The following ARHGEF4 variants were observed in gnomAD, a reference collection of about 807,000 sequenced individuals.
The protein encoded by ARHGEF4 is APC-stimulated guanine nucleotide exchange factor 1.
A neutral mutation model predicts 162.0 loss-of-function variants in ARHGEF4; 119 were observed. The ratio of observed to expected loss-of-function variants is 0.73; its 90% CI spans 0.63 to 0.86. ARHGEF4 has a LOEUF of 0.86. ARHGEF4 is among the 40% of genes least tolerant of loss of function. The probability of loss-of-function intolerance (pLI) is 0.00; values close to 1 mark genes in which losing one functional copy is unlikely to be tolerated. For missense variants in ARHGEF4, 2,488 were observed against 2,456.0 expected, an observed-to-expected ratio of 1.01 and a Z score of -0.28; for synonymous variants, 1,014 against 979.9, an observed-to-expected ratio of 1.03 and a Z score of -0.65.
At chr2:131,043,851 T>G (rs1691017693) in intron 11 of ARHGEF4, among the ~76,000 whole-genome samples, 1 of 152,112 alleles carries the variant, frequency 6.6e-6, no homozygotes, top group African/African-American at 2.4e-5. Flanking sequence ...TCAAGCTACC[T>G]CTTCTCTCCC....
chr2:130,917,941 C>T (rs1256940570), intron 2 of ARHGEF4, among the ~76,000 whole-genome samples: 2 of 151,904 alleles, frequency 1.3e-5, no homozygotes, highest in Non-Finnish European at 2.9e-5. Context: ...TCTGCCTCAG[C>T]CTCACGAGTA....
intron 1 of ARHGEF4, among the ~76,000 whole-genome samples, chr2:130,889,040 G>GGTTGCAGTGAGCGGAGATCATGCC (rs1679690273): frequency 6.6e-6 from 1 of 151,684 alleles, no homozygotes; most frequent in Non-Finnish European, 1.5e-5. Flanking sequence ...GGGAGGCGGA[G>GGTTGCAGTGAGCGGAGATCATGCC]GTTGCAGTGA....
At chr2:130,877,508 C>T (rs1272335549) in intron 1 of ARHGEF4, among the ~76,000 whole-genome samples, 1 of 152,200 alleles carries the variant, frequency 6.6e-6, no homozygotes, top group Admixed American at 6.5e-5. Flanking sequence ...TGGAGCCGTG[C>T]GTGGTGGTGC....
chr2:130,885,707 C>T (rs973417700), intron 1 of ARHGEF4, among the ~76,000 whole-genome samples: 2 of 150,744 alleles, frequency 1.3e-5, no homozygotes, highest in African/African-American at 2.5e-5. Flanking sequence ...GCAGCTGGGA[C>T]TACAGGCGCC....
chr2:130,956,082 T>TTGTCCTCTCAGCTTGCCTCTTCTAA (rs1684252035), intron 4 of ARHGEF4, among the ~76,000 whole-genome samples: 1 of 152,204 alleles, frequency 6.6e-6, no homozygotes, highest in African/African-American at 2.4e-5. Flanking sequence ...TTGCCTCTCC[T>TTGTCCTCTCAGCTTGCCTCTTCTAA]GGCATGGAAC....
chr2:130,913,514 T>TTTGTTG (rs1020208990), intron 1 of ARHGEF4, among the ~76,000 whole-genome samples: 1 of 152,214 alleles, frequency 6.6e-6, no homozygotes, highest in Non-Finnish European at 1.5e-5. Flanking sequence ...TTTGTGTTTT[T>TTTGTTG]TTGTTGTTGT....
chr2:130,880,832 T>A (rs1036095478), intron 1 of ARHGEF4, among the ~76,000 whole-genome samples: 1 of 126,120 alleles, frequency 7.9e-6, no homozygotes, highest in African/African-American at 3.0e-5. Flanking sequence ...CCCGGCCAAA[T>A]TTTTTTTTTT....
chr2:130,965,423 T>TA (rs1279586163), intron 4 of ARHGEF4, among the ~76,000 whole-genome samples: 2 of 152,260 alleles, frequency 1.3e-5, no homozygotes, highest in Non-Finnish European at 2.9e-5. Flanking sequence ...AAAAGTTGAA[T>TA]AATCCAGCTG....
chr2:130,940,623 G>C lies in ARHGEF4; in HGVS notation c.3859-5886G>C, dbSNP rs62178897. On this transcript the variant is annotated intron_variant, in intron 3 of 13. Transcript: ENST00000409359. ...TGGGAGGCCGAGGCGGGTGGATCACGAGGTCAGGAGATCGAGACCACGGTG... is the reference window on the plus strand; with the variant it reads ...TGGGAGGCCGAGGCGGGTGGATCACCAGGTCAGGAGATCGAGACCACGGTG... 2.0e-5 allele frequency among the ~76,000 whole-genome samples: 3 copies of C among 149,614 alleles called. 1 individual carries two copies. The highest frequency in any genetic ancestry group is 6.6e-5 in the Admixed American group (1 of 15,046).
At chr2:130,924,457 G>A (rs1277999768) in intron 2 of ARHGEF4, among the ~76,000 whole-genome samples, 4 of 152,040 alleles carry the variant, frequency 2.6e-5, no homozygotes, top group African/African-American at 4.8e-5. Flanking sequence ...TAGTAGAGAC[G>A]GGGTTTCACT....
At chr2:130,877,319 G>T (rs1306287718) in intron 1 of ARHGEF4, among the ~76,000 whole-genome samples, 1 of 152,198 alleles carries the variant, frequency 6.6e-6, no homozygotes, top group Non-Finnish European at 1.5e-5. Context: ...TATATATTTA[G>T]TGTACACAAC....
intron 4 of ARHGEF4, chr2:130,964,221 C>T: frequency 1.0e-6 from 1 of 985,558 alleles, no homozygotes; most frequent in Non-Finnish European, 1.2e-6. Flanking sequence ...GCTCCTGGAG[C>T]CTGGAGAGCC....
intron 1 of ARHGEF4, among the ~76,000 whole-genome samples, chr2:130,839,745 T>G (rs1027283150): frequency 5.9e-5 from 9 of 152,150 alleles, no homozygotes; most frequent in African/African-American, 1.9e-4. Flanking sequence ...GGGCCAAGCA[T>G]GACTTTTGAT....
At chr2:131,020,896 A>C (rs1432467053) in intron 4 of ARHGEF4, among the ~76,000 whole-genome samples, 1 of 152,186 alleles carries the variant, frequency 6.6e-6, no homozygotes, top group African/African-American at 2.4e-5. Context: ...AACTGGTGTG[A>C]GATGGTATCT....
intron 1 of ARHGEF4, among the ~76,000 whole-genome samples, chr2:130,884,829 AT>A (rs142977552): frequency 0.014 from 2,153 of 152,188 alleles, 82 homozygotes; most frequent in African/African-American, 0.049. Flanking sequence ...TCCTGGAATC[AT>A]ACGCCATAGA....
chr2:131,029,712 C>T (rs1689712749), intron 5 of ARHGEF4, among the ~76,000 whole-genome samples: 1 of 152,124 alleles, frequency 6.6e-6, no homozygotes, highest in African/African-American at 2.4e-5. Flanking sequence ...CGCCACCACA[C>T]CTGGCTAATT....
At chr2:131,033,200 G>C (rs1339044411) in intron 5 of ARHGEF4, among the ~76,000 whole-genome samples, 1 of 152,174 alleles carries the variant, frequency 6.6e-6, no homozygotes, top group African/African-American at 2.4e-5. Context: ...AACTCACATA[G>C]GAAAGCTGTT....
At chr2:130,888,367 A>G (rs1679648783) in intron 1 of ARHGEF4, among the ~76,000 whole-genome samples, 1 of 151,840 alleles carries the variant, frequency 6.6e-6, no homozygotes, top group African/African-American at 2.4e-5. Flanking sequence ...GCTACTGGAG[A>G]GTCTGAGGCA....
intron 5 of ARHGEF4, chr2:131,035,224 A>C (rs1690168393): frequency 8.2e-7 from 1 of 1,223,406 alleles, no homozygotes; most frequent in African/African-American, 1.6e-5. Flanking sequence ...CCTGGTTCTC[A>C]TCAACGTCGT....
Sources: allele counts gnomAD v4.1 joint callset (sites outside exome capture counted in the v4.1 genomes callset), GRCh38; gene constraint gnomAD v4.1.1; transcripts MANE v1.5; gene names NCBI Gene and HGNC (gene_info 2026-07-23, HGNC 2026-07-21).